Variants in PARD3B observed in about 807,000 individuals in gnomAD.
The protein encoded by PARD3B is par-3 family cell polarity regulator beta.
PARD3B carries 103 observed loss-of-function variants against 130.2 expected under a neutral mutation model. The ratio of observed to expected loss-of-function variants is 0.79; its 90% CI spans 0.67 to 0.93. The LOEUF (loss-of-function observed/expected upper bound fraction) is 0.93, where lower values mean the gene tolerates loss of function less well. Among genes scored for constraint, PARD3B ranks in the 40% least tolerant of loss-of-function variants. PARD3B has a pLI of 0.00. For synonymous variants in PARD3B, 583 were observed against 553.2 expected, an observed-to-expected ratio of 1.05 and a Z score of -0.76; for missense variants, 1,609 against 1,499.2, an observed-to-expected ratio of 1.07 and a Z score of -1.21.
Position 205,300,557 on chromosome 2 carries a change from C to T in PARD3B, c.2213C>T (p.Thr738Ile), listed in dbSNP as rs2105902007. 6.2e-7 allele frequency: 1 copy of T among 1,613,668 alleles called. No individual in the cohort carries two copies. Among genetic ancestry groups the T allele is most frequent in the East Asian group, 2.2e-5 (1 of 44,888 alleles). Residue 738 changes from threonine to isoleucine, a missense_variant, in exon 17 of 23, where the codon ACT (threonine) becomes ATT (isoleucine). By Grantham distance (89) the Thr-to-Ile change is moderately conservative (BLOSUM62 -1). Coordinates refer to ENST00000406610, the MANE Select transcript of PARD3B (RefSeq NM_001302769.2). The surrounding 1 kb of genome is among the most constrained non-coding windows in gnomAD (Gnocchi z 4.1). ...SESPSKDFGPTLGLKKSSSLE... is the reference protein window; with the variant it reads ...SESPSKDFGPILGLKKSSSLE... ...TCTCCAAGCAAAGATTTTGGTCCAA[C>T]TCTGGGTTTGAAAAAGTCCAGCTCC...
At chr2:204,880,411 C>T (rs1036703247) in intron 2 of PARD3B, among the ~76,000 whole-genome samples, 1 of 151,970 alleles carries the variant, frequency 6.6e-6, no homozygotes, top group Non-Finnish European at 1.5e-5. Flanking sequence ...CCTGTAATCC[C>T]AGCACTTTGG....
intron 2 of PARD3B, among the ~76,000 whole-genome samples, chr2:204,719,217 A>C (rs1055976356): frequency 9.2e-5 from 14 of 152,292 alleles, no homozygotes; most frequent in African/African-American, 3.4e-4. Context: ...ACTTTAATGG[A>C]AAGTATTTTG....
intron 2 of PARD3B, among the ~76,000 whole-genome samples, chr2:204,711,722 A>G (rs919038785): frequency 2.0e-5 from 3 of 151,578 alleles, no homozygotes; most frequent in African/African-American, 4.9e-5. Flanking sequence ...ATATTTTTCT[A>G]TTTTCAGTAG....
intron 2 of PARD3B, among the ~76,000 whole-genome samples, chr2:204,741,746 T>C (rs1482668287): frequency 6.6e-6 from 1 of 152,206 alleles, no homozygotes; most frequent in African/African-American, 2.4e-5. Context: ...AAAGTCATTT[T>C]AGGGGGCTGT....
At chr2:204,751,878 T>C (rs987155546) in intron 2 of PARD3B, among the ~76,000 whole-genome samples, 1 of 152,314 alleles carries the variant, frequency 6.6e-6, no homozygotes, top group Middle Eastern at 3.4e-3. Flanking sequence ...TAAAATTTAA[T>C]ATTTCATATT....
At chr2:204,730,946 T>C (rs2039484308) in intron 2 of PARD3B, among the ~76,000 whole-genome samples, 1 of 152,176 alleles carries the variant, frequency 6.6e-6, no homozygotes, top group Non-Finnish European at 1.5e-5. Context: ...AATCACTCTT[T>C]GCCCAGATTT....
Position 205,589,023 on chromosome 2 carries a change from C to CT in PARD3B, c.3261-26433_3261-26432insT, listed in dbSNP as rs1379037280. Among the ~76,000 whole-genome samples the CT allele has an allele frequency of 5.9e-5, 9 of 152,200 alleles. No homozygotes were observed. Among genetic ancestry groups the CT allele is most frequent in the African/African-American group, 2.2e-4 (9 of 41,454 alleles). The stretch of plus-strand genomic sequence containing the variant: ...GCATCTCTGGCTGGGCATGGTGGCT[C>CT]ATGCCCATAATCCCAGCACACCAGG... On this transcript the variant is annotated intron_variant, in intron 22 of 22. Coordinates refer to ENST00000406610, the MANE Select transcript of PARD3B (RefSeq NM_001302769.2). This position sits in a 1 kb window ranked among gnomAD's most constrained non-coding sequence, Gnocchi z 4.1.
chr2:204,853,664 G>C (rs1025418231), intron 2 of PARD3B, among the ~76,000 whole-genome samples: 4 of 151,806 alleles, frequency 2.6e-5, no homozygotes, highest in African/African-American at 9.7e-5. Context: ...AAAAGAAACA[G>C]AGGATATGTT....
intron 1 of PARD3B, among the ~76,000 whole-genome samples, chr2:204,628,158 A>T (rs907945474): frequency 6.6e-6 from 1 of 151,596 alleles, no homozygotes; most frequent in African/African-American, 2.4e-5. Context: ...AAATTTTTGG[A>T]CTCTAATTAT....
At chr2:205,173,991 A>G (rs1157695601) in intron 12 of PARD3B, among the ~76,000 whole-genome samples, 1 of 152,236 alleles carries the variant, frequency 6.6e-6, no homozygotes, top group East Asian at 1.9e-4. Context: ...CTCAACTAAT[A>G]GAAGAGTCTA....
intron 12 of PARD3B, among the ~76,000 whole-genome samples, chr2:205,174,984 G>T (rs1175019570): frequency 6.6e-6 from 1 of 152,154 alleles, no homozygotes; most frequent in Non-Finnish European, 1.5e-5. Context: ...ACCTGATTTT[G>T]TTTTTCCTTT....
At chr2:205,314,236 A>G (rs1024676687) in intron 18 of PARD3B, among the ~76,000 whole-genome samples, 1 of 152,224 alleles carries the variant, frequency 6.6e-6, no homozygotes, top group East Asian at 1.9e-4. Context: ...TTCAAGATGC[A>G]TGAGAGATGA....
intron 2 of PARD3B, among the ~76,000 whole-genome samples, chr2:204,773,514 C>A (rs1012154709): frequency 6.6e-6 from 1 of 152,020 alleles, no homozygotes; most frequent in Non-Finnish European, 1.5e-5. Flanking sequence ...CCATTCACAT[C>A]TTTTACAAAA....
chr2:204,715,631 T>C (rs1015422807), intron 2 of PARD3B, among the ~76,000 whole-genome samples: 2 of 151,998 alleles, frequency 1.3e-5, no homozygotes, highest in Admixed American at 1.3e-4. Context: ...GTCATATTCC[T>C]CTGTTTGAAA....
intron 3 of PARD3B, among the ~76,000 whole-genome samples, chr2:205,043,076 CTAAT>C (rs1324390284): frequency 1.3e-5 from 2 of 151,950 alleles, no homozygotes; most frequent in African/African-American, 4.8e-5. Flanking sequence ...TGAAAAAAAA[CTAAT>C]GAATAGCAAA....
chr2:205,145,041 G>A (rs1056133007), intron 10 of PARD3B, among the ~76,000 whole-genome samples: 9 of 152,098 alleles, frequency 5.9e-5, no homozygotes, highest in African/African-American at 1.9e-4. Context: ...TACATTCACT[G>A]GGTCCTCTAA....
At chr2:205,218,972 C>T (rs1330823670) in intron 15 of PARD3B, among the ~76,000 whole-genome samples, 4 of 151,756 alleles carry the variant, frequency 2.6e-5, no homozygotes, top group Admixed American at 6.6e-5. Context: ...TCCAGCTACT[C>T]GGGAGGCTGA....
intron 10 of PARD3B, among the ~76,000 whole-genome samples, chr2:205,145,478 T>C (rs2033288140): frequency 1.3e-5 from 2 of 152,252 alleles, no homozygotes; most frequent in African/African-American, 2.4e-5. Context: ...ACTCCACTTT[T>C]GTGATACTCT....
At chr2:205,523,632 C>A (rs1369741330) in intron 21 of PARD3B, among the ~76,000 whole-genome samples, 3 of 151,948 alleles carry the variant, frequency 2.0e-5, no homozygotes, top group Non-Finnish European at 4.4e-5. Flanking sequence ...TTCCTTTATA[C>A]TTTTTAACCT....
Sources: gnomAD v4.1 joint callset for allele counts (sites outside exome capture counted in the v4.1 genomes callset) on GRCh38, gnomAD v4.1.1 for gene constraint, Gnocchi (gnomAD v3.1) non-coding constraint, MANE v1.5 for transcripts, NCBI Gene and HGNC (gene_info 2026-07-23, HGNC 2026-07-21) for gene names.